The following MGMT variants were observed in gnomAD, a reference collection of about 807,000 sequenced individuals.
MGMT encodes the protein methylated-DNA--protein-cysteine methyltransferase.
A neutral mutation model predicts 15.9 loss-of-function variants in MGMT; 14 were observed. The ratio of observed to expected loss-of-function variants is 0.88; its 90% CI spans 0.58 to 1.37. MGMT has a LOEUF of 1.37. Ranked by LOEUF, MGMT falls within the 40% of genes most tolerant of loss-of-function variation. MGMT has a pLI of 0.00. For missense variants in MGMT, 282 were observed against 268.1 expected (o/e 1.05, Z -0.36); for synonymous variants, 130 against 118.2 (o/e 1.10, Z -0.65).
chr10:129,668,128 G>A (rs1182256220), intron 2 of MGMT, among the ~76,000 whole-genome samples: 3 of 152,062 alleles, frequency 2.0e-5, no homozygotes, highest in African/African-American at 7.2e-5. Context: ...ATTTTGTCAG[G>A]TTTAAGAAGT....
At chr10:129,648,440 AT>A (rs1847420949) in intron 2 of MGMT, among the ~76,000 whole-genome samples, 1 of 152,062 alleles carries the variant, frequency 6.6e-6, no homozygotes, top group Non-Finnish European at 1.5e-5. Context: ...TGCATTTCAA[AT>A]TTTTATGTTG....
At chr10:129,696,110 C>T (rs961367704) in intron 2 of MGMT, among the ~76,000 whole-genome samples, 1 of 152,118 alleles carries the variant, frequency 6.6e-6, no homozygotes. Flanking sequence ...TCTTCACTCC[C>T]CCTTTATTAA....
At chr10:129,467,363 G>C in intron 1 of MGMT, 67 bp downstream of exon 1, 1 of 1,463,392 alleles carries the variant, frequency 6.8e-7, no homozygotes, top group Non-Finnish European at 9.1e-7. Flanking sequence ...TGGCAGCCTC[G>C]AGTGGTCCTG....
At chr10:129,489,859 C>G (rs1428355263) in intron 1 of MGMT, among the ~76,000 whole-genome samples, 1 of 148,084 alleles carries the variant, frequency 6.8e-6, no homozygotes, top group Admixed American at 6.8e-5. Flanking sequence ...CATATATATT[C>G]TTTGTTTTTT....
In MGMT at chr10:129,517,671, C is replaced by T. The variant is rs186441439; in HGVS notation, c.-12-18570C>T. On this transcript the variant is annotated intron_variant, in intron 1 of 4. Coordinates refer to ENST00000651593, the MANE Select transcript of MGMT (RefSeq NM_002412.5). ...TGGGGTGGCCATGAGCGAGAGCGCT[C>T]GCCTCTGTCCTTTTCCTGTTGCAGA... Among the ~76,000 whole-genome samples, 505 of 152,258 alleles carry T rather than the reference C, an allele frequency of 3.3e-3. 1 individual carries two copies. Among genetic ancestry groups the T allele is most frequent in the African/African-American group, 0.011 (475 of 41,570 alleles).
At chr10:129,765,641 C>T (rs542027743) in intron 4 of MGMT, among the ~76,000 whole-genome samples, 2 of 152,342 alleles carry the variant, frequency 1.3e-5, no homozygotes, top group South Asian at 2.1e-4. Flanking sequence ...TCACTGTCCC[C>T]TCTGGCTAAG....
chr10:129,563,373 T>C (rs1400923655), intron 2 of MGMT, among the ~76,000 whole-genome samples: 6 of 152,110 alleles, frequency 3.9e-5, no homozygotes, highest in Non-Finnish European at 7.4e-5. Flanking sequence ...CTCGTTGGTG[T>C]CCTGAGGCCG....
At chr10:129,528,951 T>G (rs1845899643) in intron 1 of MGMT, among the ~76,000 whole-genome samples, 1 of 152,200 alleles carries the variant, frequency 6.6e-6, no homozygotes, top group Non-Finnish European at 1.5e-5. Context: ...ACACAACAAG[T>G]AAGCAAATCA....
chr10:129,636,324 C>T (rs542823038), intron 2 of MGMT, among the ~76,000 whole-genome samples: 8 of 152,278 alleles, frequency 5.3e-5, no homozygotes, highest in East Asian at 3.9e-4. Flanking sequence ...AACACATTCA[C>T]GTATAACCAG....
chr10:129,587,379 A>T (rs1303434377), intron 2 of MGMT, among the ~76,000 whole-genome samples: 1 of 142,852 alleles, frequency 7.0e-6, no homozygotes, highest in African/African-American at 2.6e-5. Context: ...GAGTTCACTA[A>T]TCTTTTCTTC....
intron 2 of MGMT, among the ~76,000 whole-genome samples, chr10:129,638,439 AAAAAAAG>A (rs1318441943): frequency 2.6e-4 from 31 of 121,368 alleles, no homozygotes; most frequent in East Asian, 8.0e-4. Flanking sequence ...CAAAAAAAAA[AAAAAAAG>A]AAAAAAAAAA....
intron 2 of MGMT, among the ~76,000 whole-genome samples, chr10:129,646,748 A>ATT (rs1229950159): frequency 3.1e-5 from 2 of 63,636 alleles, no homozygotes; most frequent in Admixed American, 1.7e-4. Context: ...ATATATATAT[A>ATT]TATATATTTT....
At chr10:129,641,365 C>T (rs1847326398) in intron 2 of MGMT, among the ~76,000 whole-genome samples, 1 of 152,166 alleles carries the variant, frequency 6.6e-6, no homozygotes, top group South Asian at 2.1e-4. Context: ...ATATTCTCCC[C>T]AAACTGATGG....
At chr10:129,726,042 G>A (rs2133158490) in intron 3 of MGMT, among the ~76,000 whole-genome samples, 1 of 152,138 alleles carries the variant, frequency 6.6e-6, no homozygotes. Flanking sequence ...CACACAGCCT[G>A]GCCATGGCTC....
rs967270483 is a variant in MGMT at position 129,630,547 on chromosome 10, A to G, written c.126-77348A>G. 2.0e-5 allele frequency among the ~76,000 whole-genome samples: 3 copies of G among 152,274 alleles called. No homozygotes were observed. The East Asian group carries it at 5.8e-4, about 29-fold the overall frequency. On this transcript the variant is annotated intron_variant, in intron 2 of 4. Transcript: ENST00000651593. ...GCTCTTGGCCCTTGAAGATAAACTC[A>G]TTGCAGTGTTTAAAATTTGTCCTGA...
At chr10:129,535,038 G>A (rs778583792) in intron 1 of MGMT, among the ~76,000 whole-genome samples, 1 of 152,202 alleles carries the variant, frequency 6.6e-6, no homozygotes, top group African/African-American at 2.4e-5. Context: ...ACAAAGACAG[G>A]TGCAGTGAGT....
intron 2 of MGMT, among the ~76,000 whole-genome samples, chr10:129,572,715 G>A (rs55796208): frequency 0.033 from 4,955 of 152,256 alleles, 131 homozygotes; most frequent in South Asian, 0.065. Context: ...CTTGAAACAC[G>A]ATTTACAGTA....
intron 2 of MGMT, among the ~76,000 whole-genome samples, chr10:129,565,769 C>G (rs1231863091): frequency 6.6e-6 from 1 of 152,110 alleles, no homozygotes; most frequent in Non-Finnish European, 1.5e-5. Flanking sequence ...ATTAGCGGCC[C>G]TACTGTGAGA....
intron 1 of MGMT, among the ~76,000 whole-genome samples, chr10:129,485,651 CA>C (rs568695280): frequency 2.6e-4 from 40 of 152,192 alleles, no homozygotes; most frequent in Non-Finnish European, 2.5e-4. Flanking sequence ...CAAATATTCC[CA>C]AATCCAGAAA....
Sources: gnomAD v4.1 joint callset for allele counts (sites outside exome capture counted in the v4.1 genomes callset) on GRCh38, gnomAD v4.1.1 for gene constraint, MANE v1.5 for transcripts, NCBI Gene and HGNC (gene_info 2026-07-23, HGNC 2026-07-21) for gene names.